The following DOCK1 variants were observed in gnomAD, a reference collection of about 807,000 sequenced individuals.
DOCK1 encodes the protein dedicator of cytokinesis 1.
DOCK1 carries 138 observed loss-of-function variants against 262.7 expected under a neutral mutation model. The ratio of observed to expected loss-of-function variants is 0.53; its 90% CI spans 0.46 to 0.61. DOCK1 has a LOEUF of 0.61. Ranked by LOEUF, DOCK1 falls within the 20% of genes least tolerant of loss-of-function variation. DOCK1 has a pLI of 0.00. For missense variants in DOCK1, 1,908 were observed against 2,370.7 expected (o/e 0.80, Z 4.05); for synonymous variants, 866 against 867.4 (o/e 1.00, Z 0.03).
intron 1 of DOCK1, among the ~76,000 whole-genome samples, chr10:126,915,880 C>T (rs2032432604): frequency 6.6e-6 from 1 of 152,136 alleles, no homozygotes; most frequent in Non-Finnish European, 1.5e-5. Context: ...TGTACTAAAG[C>T]TTGCTAATGA....
At chr10:126,923,120 A>G (rs935553702) in intron 1 of DOCK1, among the ~76,000 whole-genome samples, 8 of 152,146 alleles carry the variant, frequency 5.3e-5, no homozygotes, top group East Asian at 3.9e-4. Context: ...AAAAAATAAA[A>G]TAGAATAAAA....
chr10:127,147,395 C>T (rs759522630), intron 27 of DOCK1, among the ~76,000 whole-genome samples: 13 of 152,158 alleles, frequency 8.5e-5, no homozygotes, highest in Admixed American at 3.3e-4. Flanking sequence ...CCTCCCTCCA[C>T]GATTATCTTG....
intron 23 of DOCK1, among the ~76,000 whole-genome samples, chr10:127,091,565 G>T (rs990451149): frequency 1.3e-5 from 2 of 152,226 alleles, no homozygotes; most frequent in African/African-American, 4.8e-5. Context: ...CAAAGCTCAT[G>T]CTGTGTTTGC....
At chr10:127,077,361 C>T (rs2135979199) in intron 23 of DOCK1, among the ~76,000 whole-genome samples, 1 of 152,220 alleles carries the variant, frequency 6.6e-6, no homozygotes, top group Non-Finnish European at 1.5e-5. Flanking sequence ...CACCACTGCA[C>T]TCCAGCCTAG....
chr10:127,066,125 G>C (rs959892078), intron 23 of DOCK1, among the ~76,000 whole-genome samples: 1 of 152,078 alleles, frequency 6.6e-6, no homozygotes, highest in Non-Finnish European at 1.5e-5. Context: ...TACCTGACAA[G>C]AGGGTCCTTG....
rs763618926 is a variant in DOCK1 at position 127,012,248 on chromosome 10, G to T, written c.1075G>T (p.Ala359Ser). 2 of 1,603,720 alleles carry T rather than the reference G, an allele frequency of 1.2e-6. No homozygotes were observed. The highest frequency in any genetic ancestry group is 1.1e-5 in the South Asian group (1 of 90,834). Residue 359 changes from alanine to serine, a missense_variant, in exon 12 of 52, where the codon GCC becomes TCC. By Grantham distance (99) the Ala-to-Ser change is moderately conservative. Around this residue, in one of 9 missense-constraint regions of DOCK1, gnomAD observed 57 missense variants for 39.7 expected, o/e 1.44. Transcript: ENST00000623213. This position sits in a 1 kb window ranked among gnomAD's most constrained non-coding sequence, Gnocchi z 4.0. ...IPFQPLALDD[A>S]IRHKPLNMSS... Reference sequence around the variant, plus strand: ...GCCCTCCAGGCTCGCGTTGGACGACGCCATTCGACACAAGCCGCTGAACAT... The same window carrying T: ...GCCCTCCAGGCTCGCGTTGGACGACTCCATTCGACACAAGCCGCTGAACAT...
chr10:127,231,361 A>G (rs2058834663), intron 27 of DOCK1, among the ~76,000 whole-genome samples: 1 of 152,080 alleles, frequency 6.6e-6, no homozygotes, highest in Admixed American at 6.5e-5. Context: ...GTGTCTTACA[A>G]TGTATATTTT....
At chr10:127,389,151 G>A (rs1486202137) in intron 38 of DOCK1, among the ~76,000 whole-genome samples, 3 of 152,306 alleles carry the variant, frequency 2.0e-5, no homozygotes, top group Non-Finnish European at 2.9e-5. Context: ...CCTGACCCCC[G>A]TGACTGCGAT....
intron 1 of DOCK1, among the ~76,000 whole-genome samples, chr10:126,956,700 T>G (rs2036770405): frequency 6.6e-6 from 1 of 152,200 alleles, no homozygotes; most frequent in Admixed American, 6.5e-5. Context: ...GGGACCCCTT[T>G]GCTGTCATCC....
intron 1 of DOCK1, among the ~76,000 whole-genome samples, chr10:126,939,120 C>A (rs1197269101): frequency 2.0e-5 from 3 of 151,894 alleles, no homozygotes; most frequent in Admixed American, 1.3e-4. Context: ...AGGGGATGAA[C>A]ACCGGAAGGG....
chr10:127,443,450 T>C (rs890654856), intron 49 of DOCK1, among the ~76,000 whole-genome samples: 1 of 152,124 alleles, frequency 6.6e-6, no homozygotes, highest in South Asian at 2.1e-4. Context: ...TGTTTTAAGC[T>C]CCCACCTCTG....
At chr10:126,907,258 G>A (rs1321146436) in intron 1 of DOCK1, among the ~76,000 whole-genome samples, 5 of 152,144 alleles carry the variant, frequency 3.3e-5, no homozygotes, top group Non-Finnish European at 5.9e-5. Context: ...ACCAGCACAC[G>A]CAGAGAGAGA....
intron 27 of DOCK1, among the ~76,000 whole-genome samples, chr10:127,146,832 G>T (rs1370522459): frequency 4.6e-5 from 7 of 152,182 alleles, no homozygotes; most frequent in Admixed American, 3.3e-4. Flanking sequence ...GCTGGAATTG[G>T]CACGGATTCT....
At chr10:127,162,445 A>G (rs373879557) in intron 27 of DOCK1, among the ~76,000 whole-genome samples, 11 of 152,220 alleles carry the variant, frequency 7.2e-5, no homozygotes, top group African/African-American at 2.7e-4. Flanking sequence ...TACCCTGGCA[A>G]CCTCAACACA....
intron 35 of DOCK1, among the ~76,000 whole-genome samples, chr10:127,376,251 T>A (rs2065482311): frequency 6.6e-6 from 1 of 152,168 alleles, no homozygotes; most frequent in East Asian, 1.9e-4. Flanking sequence ...AAGAAGAAAT[T>A]CTGGAAATCT....
chr10:127,021,458 C>G (rs1348377263), intron 13 of DOCK1, among the ~76,000 whole-genome samples: 2 of 152,220 alleles, frequency 1.3e-5, no homozygotes, highest in African/African-American at 4.8e-5. Flanking sequence ...AGCCACTGCA[C>G]CCGGCCTTGA....
intron 29 of DOCK1, among the ~76,000 whole-genome samples, chr10:127,331,726 A>C (rs1018992429): frequency 1.3e-5 from 2 of 152,210 alleles, no homozygotes; most frequent in Admixed American, 6.5e-5. Flanking sequence ...AGATCTGTAC[A>C]CTGATGTTCA....
At chr10:127,445,304 G>A (rs575637206) in intron 50 of DOCK1, among the ~76,000 whole-genome samples, 6 of 152,268 alleles carry the variant, frequency 3.9e-5, no homozygotes, top group African/African-American at 1.4e-4. Flanking sequence ...GTGCCCTGTG[G>A]CGAGGGCTGT....
intron 28 of DOCK1, among the ~76,000 whole-genome samples, chr10:127,256,818 A>T (rs1371807348): frequency 4.6e-5 from 7 of 152,222 alleles, no homozygotes; most frequent in Non-Finnish European, 7.3e-5. Flanking sequence ...ACACGGCTGC[A>T]CACTCAAATG....
Sources: gnomAD v4.1 joint callset for allele counts (sites outside exome capture counted in the v4.1 genomes callset) on GRCh38, gnomAD v4.1.1 for gene constraint, gnomAD v4.1.1 regional missense constraint, Gnocchi (gnomAD v3.1) non-coding constraint, MANE v1.5 for transcripts, NCBI Gene and HGNC (gene_info 2026-07-23, HGNC 2026-07-21) for gene names.